BRINP2: variants seen among roughly 807,000 people sequenced by gnomAD.
BRINP2 encodes the protein BMP/retinoic acid inducible neural specific 2.
Under a neutral mutation model 69.2 loss-of-function variants are expected in BRINP2, and 21 were observed. The ratio of observed to expected loss-of-function variants is 0.30; its 90% CI spans 0.22 to 0.44. The LOEUF is 0.44. BRINP2 is among the 20% of genes least tolerant of loss of function. The pLI is 1.00. For missense variants in BRINP2, 877 were observed against 986.0 expected, an observed-to-expected ratio of 0.89 and a Z score of 1.48; for synonymous variants, 380 against 394.1, an observed-to-expected ratio of 0.96 and a Z score of 0.42.
At chr1:177,241,516 C>G (rs1443265964) in intron 2 of BRINP2, among the ~76,000 whole-genome samples, 1 of 152,324 alleles carries the variant, frequency 6.6e-6, no homozygotes, top group East Asian at 1.9e-4. Flanking sequence ...TCCTTCCCCT[C>G]CTCTCGCATT....
intron 4 of BRINP2, among the ~76,000 whole-genome samples, chr1:177,264,907 C>A (rs997398302): frequency 2.0e-5 from 3 of 152,104 alleles, no homozygotes; most frequent in African/African-American, 7.2e-5. Flanking sequence ...TCAATGCTAT[C>A]CCCAACAAGC....
At chr1:177,225,926 A>G (rs1158836180) in intron 1 of BRINP2, among the ~76,000 whole-genome samples, 3 of 152,262 alleles carry the variant, frequency 2.0e-5, no homozygotes, top group Admixed American at 6.5e-5. Flanking sequence ...CACTGAATTC[A>G]GGCATTCTTG....
intron 3 of BRINP2, 111 bp from the exon 4 acceptor site, chr1:177,257,065 G>A (rs1401766653): frequency 2.6e-6 from 4 of 1,563,712 alleles, no homozygotes; most frequent in Admixed American, 1.9e-5. Context: ...TGGCAGCAGG[G>A]GCTGCACTCT....
In BRINP2 at chr1:177,212,671, G is replaced by A. The variant is rs375762993; in HGVS notation, c.-76-17130G>A. ...AGTCAGTAGCTTGGAACCTAGTATG[G>A]TAAAGGTATTTACATCACAGAAGTC... On this transcript the variant is annotated intron_variant, in intron 1 of 7. Transcript: ENST00000361539. Among the ~76,000 whole-genome samples, 28 of 152,278 alleles carry A rather than the reference G, an allele frequency of 1.8e-4. 1 individual carries two copies. The highest frequency in any genetic ancestry group is 5.8e-4 in the African/African-American group (24 of 41,570).
intron 1 of BRINP2, among the ~76,000 whole-genome samples, chr1:177,175,537 T>C (rs1360967729): frequency 6.6e-6 from 1 of 152,196 alleles, no homozygotes; most frequent in Non-Finnish European, 1.5e-5. Flanking sequence ...TAGTCACTGG[T>C]CTTCACGTGG....
chr1:177,226,754 A>G (rs1196209995), intron 1 of BRINP2, among the ~76,000 whole-genome samples: 1 of 152,154 alleles, frequency 6.6e-6, no homozygotes, highest in African/African-American at 2.4e-5. Context: ...GGTTACTGGC[A>G]GAATTTGTTT....
At chr1:177,279,536 A>C (rs995674874) in intron 7 of BRINP2, among the ~76,000 whole-genome samples, 2 of 152,232 alleles carry the variant, frequency 1.3e-5, no homozygotes, top group Non-Finnish European at 1.5e-5. Context: ...GAGGTAGGAC[A>C]GTCTTCCAGG....
intron 1 of BRINP2, among the ~76,000 whole-genome samples, chr1:177,214,386 T>C (rs1649317642): frequency 6.6e-6 from 1 of 151,966 alleles, no homozygotes; most frequent in African/African-American, 2.4e-5. Context: ...TGAGCCGAGA[T>C]CGCACCACTG....
chr1:177,277,459 T>A (rs561802627), intron 6 of BRINP2, among the ~76,000 whole-genome samples: 2 of 151,872 alleles, frequency 1.3e-5, no homozygotes, highest in African/African-American at 4.8e-5. Context: ...CAAAAACTAA[T>A]GGCAGACACA....
At chr1:177,173,363 C>A (rs924433682) in intron 1 of BRINP2, among the ~76,000 whole-genome samples, 2 of 152,226 alleles carry the variant, frequency 1.3e-5, no homozygotes, top group African/African-American at 4.8e-5. Context: ...AAATGTCACA[C>A]CATAGTCTCC....
At chr1:177,210,937 G>A (rs1172049145) in intron 1 of BRINP2, among the ~76,000 whole-genome samples, 5 of 149,324 alleles carry the variant, frequency 3.3e-5, no homozygotes, top group South Asian at 4.2e-4. Context: ...TTAAAATTAG[G>A]TGCATTTATT....
chr1:177,243,785 A>C (rs1650286442), intron 2 of BRINP2, among the ~76,000 whole-genome samples: 1 of 152,200 alleles, frequency 6.6e-6, no homozygotes, highest in Non-Finnish European at 1.5e-5. Context: ...TGCTTCATGA[A>C]ATCATTCAGG....
chr1:177,264,291 T>C (rs1376776716), intron 4 of BRINP2, among the ~76,000 whole-genome samples: 1 of 152,190 alleles, frequency 6.6e-6, no homozygotes, highest in Non-Finnish European at 1.5e-5. Context: ...ATAAACTAGG[T>C]ACTGATTTAA....
intron 1 of BRINP2, among the ~76,000 whole-genome samples, chr1:177,190,050 A>G (rs1648541434): frequency 6.6e-6 from 1 of 152,184 alleles, no homozygotes; most frequent in East Asian, 1.9e-4. Flanking sequence ...AACTCAGTTA[A>G]CAATGGACAG....
intron 4 of BRINP2, among the ~76,000 whole-genome samples, chr1:177,268,871 G>A (rs190694444): frequency 5.9e-5 from 9 of 152,268 alleles, no homozygotes; most frequent in Admixed American, 2.0e-4. Flanking sequence ...CTAAGAAGAC[G>A]GGATTGGTTT....
intron 2 of BRINP2, among the ~76,000 whole-genome samples, chr1:177,239,951 T>G (rs1378395146): frequency 6.6e-6 from 1 of 152,214 alleles, no homozygotes; most frequent in Non-Finnish European, 1.5e-5. Context: ...GAAGTGTGCC[T>G]CTTTCCTCCT....
intron 4 of BRINP2, among the ~76,000 whole-genome samples, chr1:177,266,585 C>T (rs1333818857): frequency 2.6e-5 from 4 of 151,754 alleles, no homozygotes; most frequent in African/African-American, 4.8e-5. Context: ...TGGTGAAACC[C>T]GGTCTCTACT....
At chr1:177,174,235 C>T (rs1648022770) in intron 1 of BRINP2, among the ~76,000 whole-genome samples, 1 of 152,186 alleles carries the variant, frequency 6.6e-6, no homozygotes, top group South Asian at 2.1e-4. Context: ...GCTCCTGAAC[C>T]AACCCCAGAC....
chr1:177,243,700 G>T (rs952039053), intron 2 of BRINP2, among the ~76,000 whole-genome samples: 60 of 152,160 alleles, frequency 3.9e-4, no homozygotes, highest in African/African-American at 1.4e-3. Context: ...CCTCAAATCT[G>T]AGTGACTTAA....
Sources: gnomAD v4.1 joint callset for allele counts (sites outside exome capture counted in the v4.1 genomes callset) on GRCh38, gnomAD v4.1.1 for gene constraint, MANE v1.5 for transcripts, NCBI Gene and HGNC (gene_info 2026-07-23, HGNC 2026-07-21) for gene names.